DSCAM: variants seen among roughly 807,000 people sequenced by gnomAD.
The protein encoded by DSCAM is cell adhesion molecule DSCAM.
DSCAM carries 47 observed loss-of-function variants against 217.7 expected under a neutral mutation model. The observed-to-expected ratio is 0.22, with a 90% confidence interval of 0.17 to 0.28. The LOEUF is 0.28. Among genes scored for constraint, DSCAM ranks in the 10% least tolerant of loss-of-function variants. The pLI, the probability that DSCAM is intolerant of heterozygous loss-of-function variation, is 1.00. For missense variants in DSCAM, 2,080 were observed against 2,618.3 expected (o/e 0.79, Z 4.49); for synonymous variants, 1,056 against 1,015.3 (o/e 1.04, Z -0.76).
intron 28 of DSCAM, among the ~76,000 whole-genome samples, chr21:40,059,893 G>A (rs1178658446): frequency 6.6e-6 from 1 of 152,100 alleles, no homozygotes; most frequent in Non-Finnish European, 1.5e-5. Context: ...CTTTCTCTCT[G>A]CCAGTGGACA....
chr21:40,544,906 TAA>T (rs2076569281), intron 3 of DSCAM, among the ~76,000 whole-genome samples: 1 of 146,334 alleles, frequency 6.8e-6, no homozygotes, highest in Admixed American at 6.7e-5. Context: ...TTTATTTAAT[TAA>T]AAGTTTCCAA....
chr21:40,031,337 C>G (rs966148710), intron 32 of DSCAM, among the ~76,000 whole-genome samples: 1 of 152,178 alleles, frequency 6.6e-6, no homozygotes, highest in Admixed American at 6.5e-5. Context: ...CCCAGGCTAA[C>G]TGAACGTTCA....
intron 3 of DSCAM, among the ~76,000 whole-genome samples, chr21:40,411,175 T>TACACACAC (rs902494368): frequency 2.2e-4 from 10 of 45,136 alleles, no homozygotes; most frequent in East Asian, 1.2e-3. Flanking sequence ...AGTAATTATA[T>TACACACAC]ACACACACAC....
Position 40,329,250 on chromosome 21 carries a change from A to G in DSCAM, c.1783+8851T>C, listed in dbSNP as rs572564404. 5.3e-5 allele frequency among the ~76,000 whole-genome samples: 8 copies of G among 152,278 alleles called. No individual in the cohort carries two copies. In the South Asian group the frequency reaches 1.2e-3, roughly 24 times the overall value. On this transcript the variant is annotated intron_variant, in intron 8 of 32. Transcript: ENST00000400454. ...TGGCATTGTTTACAATAGCCAAGAT[A>G]TGGATTCAAGTGGCTAAATGGTCAC... is the stretch of plus-strand genomic sequence containing the variant.
intron 20 of DSCAM, among the ~76,000 whole-genome samples, chr21:40,118,006 AC>A (rs2089991734): frequency 6.6e-6 from 1 of 152,170 alleles, no homozygotes; most frequent in Non-Finnish European, 1.5e-5. Context: ...CACATATGAG[AC>A]ATGGTATTAC....
intron 3 of DSCAM, among the ~76,000 whole-genome samples, chr21:40,580,358 C>G (rs1457588431): frequency 1.3e-5 from 2 of 151,922 alleles, no homozygotes; most frequent in East Asian, 3.9e-4. Flanking sequence ...CATGGTGAAA[C>G]CCCGTCTCTA....
At chr21:40,561,919 C>G (rs1371790573) in intron 3 of DSCAM, among the ~76,000 whole-genome samples, 1 of 152,214 alleles carries the variant, frequency 6.6e-6, no homozygotes, top group Non-Finnish European at 1.5e-5. Context: ...GCATACTTCT[C>G]TTTTAAACTC....
intron 15 of DSCAM, among the ~76,000 whole-genome samples, chr21:40,175,549 G>C (rs1248887584): frequency 6.6e-6 from 1 of 152,066 alleles, no homozygotes; most frequent in Non-Finnish European, 1.5e-5. Flanking sequence ...TCCCGGGGCA[G>C]AAGGGGTAAG....
rs1568888722 is a variant in DSCAM at position 40,016,068 on chromosome 21, C to T, written c.5687-2682G>A. Among the ~76,000 whole-genome samples, 1 of 152,300 alleles carries T rather than the reference C, an allele frequency of 6.6e-6. No individual in the cohort carries two copies. The highest frequency in any genetic ancestry group is 1.9e-4 in the East Asian group (1 of 5,176). Reference sequence around the variant, plus strand: ...GGCACACCTGTAACTCGTGACATACCAGGTGCAAAACTCTGTCTAGAGAAT... The same window carrying T: ...GGCACACCTGTAACTCGTGACATACTAGGTGCAAAACTCTGTCTAGAGAAT... On this transcript the variant is annotated intron_variant, in intron 32 of 32. Transcript: ENST00000400454. This position sits in a 1 kb window ranked among gnomAD's most constrained non-coding sequence, Gnocchi z 4.3.
At chr21:40,201,286 TA>T (rs1466833887) in intron 11 of DSCAM, among the ~76,000 whole-genome samples, 1 of 152,232 alleles carries the variant, frequency 6.6e-6, no homozygotes, top group African/African-American at 2.4e-5. Context: ...AAAGTTGATT[TA>T]TTTTTTAAGA....
intron 11 of DSCAM, among the ~76,000 whole-genome samples, chr21:40,254,682 TG>T (rs2073348120): frequency 6.6e-6 from 1 of 152,164 alleles, no homozygotes; most frequent in Non-Finnish European, 1.5e-5. Context: ...CAGGATCAGC[TG>T]GGCCCTGCTT....
At chr21:40,259,953 T>C (rs1211754676) in intron 11 of DSCAM, among the ~76,000 whole-genome samples, 1 of 152,040 alleles carries the variant, frequency 6.6e-6, no homozygotes, top group Non-Finnish European at 1.5e-5. Context: ...GGTCTCAATC[T>C]CCTGACCTTG....
chr21:40,838,913 T>C (rs933932871), intron 1 of DSCAM, among the ~76,000 whole-genome samples: 10 of 152,170 alleles, frequency 6.6e-5, no homozygotes, highest in Admixed American at 5.9e-4. Flanking sequence ...ATTCTACTAT[T>C]AATAAAACCC....
intron 27 of DSCAM, 92 bp from the exon 28 acceptor site, chr21:40,062,991 A>G: frequency 2.5e-6 from 3 of 1,190,838 alleles, no homozygotes; most frequent in Non-Finnish European, 3.5e-6. Context: ...TCAGATCAGA[A>G]CAGTCATTTT....
At chr21:40,320,822 C>T (rs1208511504) in intron 8 of DSCAM, among the ~76,000 whole-genome samples, 1 of 152,156 alleles carries the variant, frequency 6.6e-6, no homozygotes, top group Non-Finnish European at 1.5e-5. Context: ...CAGATCCCTC[C>T]CACAACACGT....
chr21:40,193,782 T>TC (rs1358440604), intron 11 of DSCAM, among the ~76,000 whole-genome samples: 2 of 152,222 alleles, frequency 1.3e-5, no homozygotes, highest in African/African-American at 4.8e-5. Flanking sequence ...CAGACAGTTT[T>TC]CCTTTGAGAA....
chr21:40,837,708 T>C (rs1184831263), intron 1 of DSCAM, among the ~76,000 whole-genome samples: 4 of 152,138 alleles, frequency 2.6e-5, no homozygotes, highest in East Asian at 3.8e-4. Flanking sequence ...GCCAACGAAA[T>C]AGACAAGTGA....
chr21:40,085,750 A>G lies in DSCAM; in HGVS notation c.3984T>C (p.Ser1328=), dbSNP rs1158722538. The change falls in exon 23 of 33, where the codon AGT becomes AGC. Residue 1328 remains serine (S), a synonymous_variant. Coordinates refer to ENST00000400454, the MANE Select transcript of DSCAM (RefSeq NM_001389.5). ...KWMKDSNGTP[S]LVTIDGRRSI... is the part of the protein sequence containing the mutation. ...TCCTCCGCCCATCAATCGTTACTAG[A>G]CTGGGTGTCCCGTTACTGCCTCACA... The G allele has an allele frequency of 6.6e-7, 1 of 1,524,414 alleles. No homozygotes were observed. The highest frequency in any genetic ancestry group is 8.9e-7 in the Non-Finnish European group (1 of 1,120,322). 94.4% of individuals were successfully genotyped at this position (1,524,414 alleles called of 1,614,324 possible). A position where few individuals can be genotyped will look rare whatever the true frequency, so the allele number is the denominator to read the frequency against.
rs201228365 is a variant in DSCAM, at chr21:40,085,795, T to C, written c.3969-30A>G. The C allele has an allele frequency of 6.9e-6, 10 of 1,443,642 alleles. No individual in the cohort carries two copies. The South Asian group carries it at 1.6e-4, about 23-fold the overall frequency. The allele number at this position is 1,443,642 out of a possible 1,614,324, so 89.4% of individuals were successfully genotyped here. Reference sequence around the variant, plus strand: ...CTCACAGGAAGAAAAATGCACAGATTAAAGAAATTACAATCCAAATTAGCT... The same window carrying C: ...CTCACAGGAAGAAAAATGCACAGATCAAAGAAATTACAATCCAAATTAGCT... On this transcript the variant is annotated intron_variant, in intron 22 of 32. Coordinates refer to ENST00000400454, the MANE Select transcript of DSCAM (RefSeq NM_001389.5).
Sources: allele counts gnomAD v4.1 joint callset (sites outside exome capture counted in the v4.1 genomes callset), GRCh38; gene constraint gnomAD v4.1.1; non-coding constraint Gnocchi (gnomAD v3.1); transcripts MANE v1.5; gene names NCBI Gene and HGNC (gene_info 2026-07-23, HGNC 2026-07-21).